NCOR1: variants seen among roughly 807,000 people sequenced by gnomAD.
NCOR1 encodes nuclear receptor corepressor 1, also known as protein phosphatase 1, regulatory subunit 109.
In NCOR1, 63 loss-of-function variants were observed where a neutral mutation model predicts 288.1. The ratio of observed to expected loss-of-function variants is 0.22; its 90% confidence interval spans 0.18 to 0.27. The LOEUF (loss-of-function observed/expected upper bound fraction) is 0.27, where lower values mean the gene tolerates loss of function less well. Among genes scored for constraint, NCOR1 ranks in the 10% least tolerant of loss-of-function variants. The probability of loss-of-function intolerance (pLI) is 1.00; values close to 1 mark genes in which losing one functional copy is unlikely to be tolerated. For synonymous variants in NCOR1, 1,007 were observed against 1,065.9 expected, an observed-to-expected ratio of 0.94 and a Z score of 1.08; for missense variants, 2,397 against 3,019.2, an observed-to-expected ratio of 0.79 and a Z score of 4.83.
At chr17:16,153,821 C>T (rs1486715192) in intron 6 of NCOR1, among the ~76,000 whole-genome samples, 1 of 151,932 alleles carries the variant, frequency 6.6e-6, no homozygotes, top group African/African-American at 2.4e-5. Context: ...CAATAAAATA[C>T]CATAAAATGG....
At chr17:16,131,153 G>A (rs1413135857) in intron 14 of NCOR1, among the ~76,000 whole-genome samples, 1 of 151,480 alleles carries the variant, frequency 6.6e-6, no homozygotes, top group Non-Finnish European at 1.5e-5. Flanking sequence ...CACTGTGCCA[G>A]GCTAATTTTT....
intron 28 of NCOR1, among the ~76,000 whole-genome samples, chr17:16,072,640 G>A (rs935900815): frequency 2.0e-5 from 3 of 152,152 alleles, no homozygotes; most frequent in Non-Finnish European, 2.9e-5. Flanking sequence ...AAATTGAAAC[G>A]AAAGAGTTGT....
At chr17:16,208,206 A>ATTTTTTTTTTTTTTTTTTG (rs2091772907) in intron 1 of NCOR1, among the ~76,000 whole-genome samples, 1 of 65,552 alleles carries the variant, frequency 1.5e-5, no homozygotes, top group Non-Finnish European at 2.8e-5. Context: ...ATGCCCAGCT[A>ATTTTTTTTTTTTTTTTTTG]TTTTTTTTTT....
chr17:16,130,529 A>C (rs2075430653), intron 14 of NCOR1, among the ~76,000 whole-genome samples: 1 of 152,230 alleles, frequency 6.6e-6, no homozygotes, highest in Non-Finnish European at 1.5e-5. Flanking sequence ...GAGAGCCAAT[A>C]AAACAAGTTT....
In NCOR1 at chr17:16,119,451, T is replaced by C; in HGVS notation, c.1887A>G (p.Thr629=). 6.2e-7 allele frequency: 1 copy of C among 1,611,384 alleles called. No homozygotes were observed. The highest frequency in any genetic ancestry group is 1.1e-5 in the South Asian group (1 of 90,596). The change falls in exon 17 of 46, where the codon ACA becomes ACG. Residue 629 remains threonine (T), a synonymous_variant. Coordinates refer to ENST00000268712, the MANE Select transcript of NCOR1 (RefSeq NM_006311.4). ...TTTTAGCAACTTCCATTTCTTCTTC[T>C]GTCCATCGAGAGGTCTCCACAGGCT... ...STEPVETSRW[T]EEEMEVAKKG...
At chr17:16,033,039 T>C (rs1162168452) in intron 45 of NCOR1, among the ~76,000 whole-genome samples, 1 of 152,112 alleles carries the variant, frequency 6.6e-6, no homozygotes, top group Non-Finnish European at 1.5e-5. Context: ...GAAAGCCTCC[T>C]ACAGCTTAAG....
At chr17:16,103,241 C>A (rs550632125) in intron 19 of NCOR1, among the ~76,000 whole-genome samples, 1 of 152,310 alleles carries the variant, frequency 6.6e-6, no homozygotes, top group South Asian at 2.1e-4. Flanking sequence ...TTTAAACCCT[C>A]TTCTCATTTA....
chr17:16,159,086 TA>T (rs35251798), intron 5 of NCOR1, among the ~76,000 whole-genome samples: 96,488 of 150,432 alleles, frequency 0.64, 32,300 homozygotes, highest in African/African-American at 0.84. Flanking sequence ...AGATAGAGTT[TA>T]AAAAAAAAAA....
At chr17:16,047,159 T>C (rs557610239) in intron 41 of NCOR1, 66 bp from the exon 42 acceptor site, 2 of 1,484,564 alleles carry the variant, frequency 1.3e-6, no homozygotes, top group Admixed American at 2.2e-5. Context: ...TTCCTATCAA[T>C]GATAACAACA....
In NCOR1 at chr17:16,127,309, A is replaced by G. The variant is rs541090941; in HGVS notation, c.1510-1103T>C. ...TGTATATATGTATGTATGTATATAT[A>G]CATGTATGTATATATGTATGTATAT... On this transcript the variant is annotated intron_variant, in intron 14 of 45. Transcript: ENST00000268712. 3.8e-4 allele frequency among the ~76,000 whole-genome samples: 32 copies of G among 83,928 alleles called. 8 individuals carry two copies. Among genetic ancestry groups the G allele is most frequent in the East Asian group, 7.2e-4 (3 of 4,138 alleles). 55.1% of individuals were successfully genotyped at this position (83,928 alleles called of 152,430 possible).
At chr17:16,192,412 T>C (rs919607899) in intron 2 of NCOR1, among the ~76,000 whole-genome samples, 4 of 152,152 alleles carry the variant, frequency 2.6e-5, no homozygotes, top group East Asian at 3.9e-4. Context: ...TCCCAGCGCT[T>C]TGGAAGGCCG....
chr17:16,105,875 G>A lies in NCOR1; in HGVS notation c.2182+2911C>T, dbSNP rs553588015. On this transcript the variant is annotated intron_variant, in intron 19 of 45. Coordinates refer to ENST00000268712, the MANE Select transcript of NCOR1 (RefSeq NM_006311.4). ...AGCACTTTGGAAGGCCAAGGCAGGC[G>A]GAACACCTGAGGTCAGGAGTTCGAG... Among the ~76,000 whole-genome samples the A allele has an allele frequency of 8.1e-4, 123 of 152,252 alleles. 4 individuals are homozygous for A. The South Asian group carries it at 9.7e-3, about 12-fold the overall frequency.
intron 26 of NCOR1, among the ~76,000 whole-genome samples, chr17:16,078,202 TGAG>T (rs1283822137): frequency 1.3e-5 from 2 of 152,336 alleles, no homozygotes; most frequent in East Asian, 3.9e-4. Context: ...AGGCCTAGAC[TGAG>T]TTTACTCACA....
At chr17:16,136,806 CAAAAAAAAA>C (rs60523446) in intron 14 of NCOR1, among the ~76,000 whole-genome samples, 30 of 111,790 alleles carry the variant, frequency 2.7e-4, no homozygotes, top group East Asian at 2.3e-3. Flanking sequence ...GACTCTGTTT[CAAAAAAAAA>C]AAAAAAAAAA....
intron 21 of NCOR1, among the ~76,000 whole-genome samples, chr17:16,092,488 T>C (rs72833498): frequency 0.42 from 63,098 of 150,704 alleles, 15,070 homozygotes; most frequent in Middle Eastern, 0.56. Context: ...CCTAGTTTTC[T>C]TTCAGAACTG....
chr17:16,179,946 A>C (rs1387554910), intron 3 of NCOR1, among the ~76,000 whole-genome samples: 3 of 134,454 alleles, frequency 2.2e-5, no homozygotes, highest in Non-Finnish European at 4.7e-5. Context: ...CAACAGAGCG[A>C]GACTCTGTCT....
intron 5 of NCOR1, among the ~76,000 whole-genome samples, chr17:16,159,361 C>T (rs2080351085): frequency 7.5e-6 from 1 of 133,624 alleles, no homozygotes; most frequent in Non-Finnish European, 1.5e-5. Flanking sequence ...TGCAGTGAGT[C>T]GAGATAACGC....
chr17:16,080,281 A>C (rs1354115167), intron 25 of NCOR1, 127 bp downstream of exon 25: 43 of 945,762 alleles, frequency 4.5e-5, no homozygotes, highest in Non-Finnish European at 6.5e-5. Context: ...TTTACATGGA[A>C]AGAAAACAAA....
At chr17:16,094,184 C>T (rs938694313) in intron 21 of NCOR1, among the ~76,000 whole-genome samples, 4 of 152,068 alleles carry the variant, frequency 2.6e-5, no homozygotes, top group Non-Finnish European at 4.4e-5. Flanking sequence ...GGATTACAGG[C>T]GTGAGCCACC....
Sources: gnomAD v4.1 joint callset for allele counts (sites outside exome capture counted in the v4.1 genomes callset) on GRCh38, gnomAD v4.1.1 for gene constraint, MANE v1.5 for transcripts, NCBI Gene and HGNC (gene_info 2026-07-23, HGNC 2026-07-21) for gene names.